The following IQCH variants were observed in gnomAD, a reference collection of about 807,000 sequenced individuals.
The protein encoded by IQCH is IQ motif containing H.
Under a neutral mutation model 117.0 loss-of-function variants are expected in IQCH, and 98 were observed. The observed-to-expected ratio is 0.84, with a 90% CI of 0.71 to 0.99. The LOEUF is 0.99. Ranked by LOEUF, IQCH falls within the 50% of genes least tolerant of loss-of-function variation. The pLI is 0.00. For missense variants in IQCH, 1,102 were observed against 1,243.8 expected, an observed-to-expected ratio of 0.89 and a Z score of 1.72; for synonymous variants, 412 against 448.2, an observed-to-expected ratio of 0.92 and a Z score of 1.02.
intron 4 of IQCH, among the ~76,000 whole-genome samples, chr15:67,293,555 G>T (rs182324348): frequency 6.6e-6 from 1 of 152,166 alleles, no homozygotes; most frequent in Non-Finnish European, 1.5e-5. Flanking sequence ...ATAATGACAA[G>T]AAAAAGAGTC....
intron 16 of IQCH, among the ~76,000 whole-genome samples, chr15:67,423,167 C>T (rs2081792769): frequency 6.6e-6 from 1 of 152,160 alleles, no homozygotes; most frequent in South Asian, 2.1e-4. Flanking sequence ...AGAACTCTCC[C>T]TGTGGTGGAG....
chr15:67,266,333 GC>G (rs1965667412), intron 3 of IQCH, among the ~76,000 whole-genome samples: 1 of 151,888 alleles, frequency 6.6e-6, no homozygotes. Flanking sequence ...AATTATGATG[GC>G]TTTATACTGG....
At chr15:67,303,768 A>G (rs1967167202) in intron 4 of IQCH, among the ~76,000 whole-genome samples, 1 of 152,168 alleles carries the variant, frequency 6.6e-6, no homozygotes, top group African/African-American at 2.4e-5. Context: ...AATTATTTAA[A>G]ATGAGGAATA....
In IQCH at chr15:67,379,031, C is replaced by A. The variant is rs535264127; in HGVS notation, c.1372+5598C>A. Among the ~76,000 whole-genome samples, 23 of 152,178 alleles carry A rather than the reference C, an allele frequency of 1.5e-4. No homozygotes were observed. In the East Asian group the frequency reaches 2.7e-3, roughly 18 times the overall value. On this transcript the variant is annotated intron_variant, in intron 10 of 20. Transcript: ENST00000335894. ...ATAACAATAATAAGCCCACTACCAA[C>A]ACTAATCTAAATAACATATTTTTGA...
At chr15:67,260,662 T>G (rs953758688) in intron 1 of IQCH, among the ~76,000 whole-genome samples, 7 of 152,242 alleles carry the variant, frequency 4.6e-5, no homozygotes, top group African/African-American at 1.7e-4. Flanking sequence ...GACTGAACTC[T>G]TACCACTTAA....
chr15:67,367,742 G>A (rs2140773452), intron 8 of IQCH, among the ~76,000 whole-genome samples: 1 of 152,116 alleles, frequency 6.6e-6, no homozygotes, highest in East Asian at 1.9e-4. Context: ...GGTAGGGTGG[G>A]GAAGAGAAAA....
intron 16 of IQCH, among the ~76,000 whole-genome samples, chr15:67,462,427 C>CA (rs57819872): frequency 0.16 from 19,127 of 117,296 alleles, 1,514 homozygotes; most frequent in African/African-American, 0.24. Context: ...GACTCCATCT[C>CA]AAAAAAAAAA....
intron 16 of IQCH, among the ~76,000 whole-genome samples, chr15:67,434,984 TTTG>T (rs1471951866): frequency 1.5e-3 from 62 of 41,588 alleles, no homozygotes; most frequent in African/African-American, 3.1e-3. Context: ...ATTTTGTATC[TTTG>T]TTTTTTTTTT....
Position 67,458,603 on chromosome 15 carries a change from A to G in IQCH, c.2506-6524A>G, listed in dbSNP as rs1160419733. ...ATTCCCAGCCTCCACAGCTGTAAAA[A>G]GGAAATAAGCCCTTGGCTCTGTACC... On this transcript the variant is annotated intron_variant, in intron 16 of 20. Coordinates refer to ENST00000335894, the MANE Select transcript of IQCH (RefSeq NM_001031715.3). This position sits in a 1 kb window ranked among gnomAD's most constrained non-coding sequence, Gnocchi z 4.1. 6.6e-6 allele frequency among the ~76,000 whole-genome samples: 1 copy of G among 152,244 alleles called. No individual in the cohort carries two copies. The highest frequency in any genetic ancestry group is 2.4e-5 in the African/African-American group (1 of 41,454).
intron 4 of IQCH, among the ~76,000 whole-genome samples, chr15:67,289,470 A>G (rs8037632): frequency 1 from 151,969 of 152,240 alleles, 75,849 homozygotes; most frequent in Non-Finnish European, 1. Context: ...ATGAGAGAGT[A>G]AGTGATAACC....
At chr15:67,451,962 C>G (rs1335174061) in intron 16 of IQCH, among the ~76,000 whole-genome samples, 1 of 152,072 alleles carries the variant, frequency 6.6e-6, no homozygotes, top group African/African-American at 2.4e-5. Context: ...TGAATTGATC[C>G]CTTTACCATT....
chr15:67,290,547 G>A (rs1439930938), intron 4 of IQCH, among the ~76,000 whole-genome samples: 5 of 151,924 alleles, frequency 3.3e-5, no homozygotes, highest in Non-Finnish European at 7.4e-5. Flanking sequence ...CAAGATTCTT[G>A]GCAAGATTCT....
chr15:67,442,869 CATATAT>C (rs143452052), intron 16 of IQCH, among the ~76,000 whole-genome samples: 1 of 130,290 alleles, frequency 7.7e-6, no homozygotes. Context: ...GATAGATATA[CATATAT>C]ATATATATAA....
rs549279589 is a variant in IQCH, at chr15:67,422,482, T to C, written c.2505+905T>C. Among the ~76,000 whole-genome samples, 31 of 152,204 alleles carry C rather than the reference T, an allele frequency of 2.0e-4. No individual in the cohort carries two copies. Among genetic ancestry groups the C allele is most frequent in the Non-Finnish European group, 4.4e-4 (30 of 68,036 alleles). ...TCCTGTGTACTCCTTGCCAAGCACA[T>C]GGCTCTTCCTCCTCCTAGAGGCCAG... is the stretch of plus-strand genomic sequence containing the variant. On this transcript the variant is annotated intron_variant, in intron 16 of 20. Coordinates refer to ENST00000335894, the MANE Select transcript of IQCH (RefSeq NM_001031715.3). This position sits in a 1 kb window ranked among gnomAD's most constrained non-coding sequence, Gnocchi z 4.7.
In IQCH at chr15:67,404,778, CT is replaced by C. The variant is rs1243223451; in HGVS notation, c.2097+4476del. 3 of 152,132 alleles carry C rather than the reference CT, an allele frequency of 2.0e-5. No homozygotes were observed. Among genetic ancestry groups the C allele is most frequent in the African/African-American group, 7.2e-5 (3 of 41,418 alleles). 9.4% of individuals were successfully genotyped at this position (152,132 alleles called of 1,614,324 possible). On this transcript the variant is annotated intron_variant, in intron 14 of 20. Transcript: ENST00000335894. This position sits in a 1 kb window ranked among gnomAD's most constrained non-coding sequence, Gnocchi z 4.6. ...AGTTGGAAATTTAGGCTATTCCCAG[CT>C]TTCATTTTTTGGCAGTGGGAGGAAA... is the stretch of plus-strand genomic sequence containing the variant.
chr15:67,289,442 T>C (rs1299436574), intron 4 of IQCH, among the ~76,000 whole-genome samples: 1 of 152,004 alleles, frequency 6.6e-6, no homozygotes, highest in Non-Finnish European at 1.5e-5. Context: ...GACTTGATCA[T>C]GGGGGATTAA....
intron 16 of IQCH, among the ~76,000 whole-genome samples, chr15:67,435,928 G>C (rs1436776764): frequency 1.3e-5 from 2 of 151,842 alleles, no homozygotes; most frequent in African/African-American, 4.8e-5. Context: ...GTTATCTGGG[G>C]GTCTTTGCTA....
At chr15:67,394,655 TAAAAC>T (rs980749472) in intron 12 of IQCH, among the ~76,000 whole-genome samples, 6 of 152,170 alleles carry the variant, frequency 3.9e-5, no homozygotes, top group Admixed American at 1.3e-4. Context: ...TAGTCAAAAA[TAAAAC>T]AAAAAGAGTT....
intron 20 of IQCH, among the ~76,000 whole-genome samples, chr15:67,497,658 T>C (rs2083858919): frequency 6.6e-6 from 1 of 152,090 alleles, no homozygotes; most frequent in African/African-American, 2.4e-5. Flanking sequence ...CATGCCTGGC[T>C]AATTTTTTAT....
Sources: allele counts gnomAD v4.1 joint callset (sites outside exome capture counted in the v4.1 genomes callset), GRCh38; gene constraint gnomAD v4.1.1; non-coding constraint Gnocchi (gnomAD v3.1); transcripts MANE v1.5; gene names NCBI Gene and HGNC (gene_info 2026-07-23, HGNC 2026-07-21).